TCERG1L: variants seen among roughly 807,000 people sequenced by gnomAD.
TCERG1L encodes transcription elongation regulator 1-like protein.
A neutral mutation model predicts 56.3 loss-of-function variants in TCERG1L; 37 were observed. The ratio of observed to expected loss-of-function variants is 0.66; its 90% CI spans 0.51 to 0.87. The LOEUF (loss-of-function observed/expected upper bound fraction) is 0.87, where lower values mean the gene tolerates loss of function less well. Ranked by LOEUF, TCERG1L falls within the 40% of genes least tolerant of loss-of-function variation. TCERG1L has a pLI of 0.00. For missense variants in TCERG1L, 799 were observed against 774.2 expected, an observed-to-expected ratio of 1.03 and a Z score of -0.38; for synonymous variants, 324 against 326.3, an observed-to-expected ratio of 0.99 and a Z score of 0.08.
chr10:131,302,212 C>A lies in TCERG1L; in HGVS notation c.670+5999G>T, dbSNP rs188686113. 3.8e-3 allele frequency among the ~76,000 whole-genome samples: 582 copies of A among 152,210 alleles called. 12 individuals are homozygous for A. Among genetic ancestry groups the A allele is most frequent in the African/African-American group, 0.013 (556 of 41,454 alleles). On this transcript the variant is annotated intron_variant, in intron 3 of 11. Coordinates refer to ENST00000368642, the MANE Select transcript of TCERG1L (RefSeq NM_174937.4). Reference sequence around the variant, plus strand: ...TCTAGTACTGCAGAATGGCCTGAAGCTGTGTCAACTTCTGTGTTCTTTTAA... The same window carrying A: ...TCTAGTACTGCAGAATGGCCTGAAGATGTGTCAACTTCTGTGTTCTTTTAA...
rs1297318955 is a variant in TCERG1L at position 131,260,205 on chromosome 10, C to T, written c.856+54G>A. On this transcript the variant is annotated intron_variant, in intron 4 of 11. Coordinates refer to ENST00000368642, the MANE Select transcript of TCERG1L (RefSeq NM_174937.4). The surrounding 1 kb of genome is among the most constrained non-coding windows in gnomAD (Gnocchi z 5.8). Reference sequence around the variant, plus strand: ...GGCCAGGGGCATCTAACCAGGAAGCCTCCGCGCGCTCGCTAAGGCAGCACC... The same window carrying T: ...GGCCAGGGGCATCTAACCAGGAAGCTTCCGCGCGCTCGCTAAGGCAGCACC... 2 of 1,299,644 alleles carry T rather than the reference C, an allele frequency of 1.5e-6. No individual in the cohort carries two copies. The highest frequency in any genetic ancestry group is 2.0e-6 in the Non-Finnish European group (2 of 1,021,878). The allele number at this position is 1,299,644 out of a possible 1,614,324, so 80.5% of individuals were successfully genotyped here.
At chr10:131,217,491 G>A (rs139968242) in intron 4 of TCERG1L, among the ~76,000 whole-genome samples, 1 of 152,238 alleles carries the variant, frequency 6.6e-6, no homozygotes, top group African/African-American at 2.4e-5. Context: ...GGGGAAGGCA[G>A]GACTCAGCAG....
chr10:131,254,176 G>T (rs576772816), intron 4 of TCERG1L, among the ~76,000 whole-genome samples: 16 of 152,104 alleles, frequency 1.1e-4, no homozygotes, highest in East Asian at 3.9e-4. Context: ...GCACCATCAG[G>T]CCTGGGGGAC....
intron 8 of TCERG1L, among the ~76,000 whole-genome samples, chr10:131,124,483 T>C (rs977035755): frequency 6.6e-6 from 1 of 152,182 alleles, no homozygotes; most frequent in Non-Finnish European, 1.5e-5. Flanking sequence ...TCTGAATGAG[T>C]GGCCACTGAG....
Position 131,290,258 on chromosome 10 carries a change from A to G in TCERG1L, c.670+17953T>C, listed in dbSNP as rs114000709. 5.4e-3 allele frequency among the ~76,000 whole-genome samples: 817 copies of G among 152,284 alleles called. 11 individuals are homozygous for G. Among genetic ancestry groups the G allele is most frequent in the African/African-American group, 0.019 (773 of 41,540 alleles). Reference sequence around the variant, plus strand: ...GTGTATGTGTGCACTGCTGTGTGCGAGCAGGTGTGTACATGTTCACACGGA... The same window carrying G: ...GTGTATGTGTGCACTGCTGTGTGCGGGCAGGTGTGTACATGTTCACACGGA... On this transcript the variant is annotated intron_variant, in intron 3 of 11. Coordinates refer to ENST00000368642, the MANE Select transcript of TCERG1L (RefSeq NM_174937.4).
intron 9 of TCERG1L, among the ~76,000 whole-genome samples, chr10:131,113,452 G>A (rs1171944866): frequency 7.0e-6 from 1 of 142,246 alleles, no homozygotes; most frequent in Non-Finnish European, 1.6e-5. Context: ...CTCATCCGGG[G>A]AGACGGACAG....
Position 131,309,251 on chromosome 10 carries a change from T to C in TCERG1L, c.391A>G (p.Thr131Ala). The change falls in exon 2 of 12, where the codon ACA (threonine) becomes GCA (alanine). Residue 131 changes from threonine to alanine, a missense_variant. Thr to Ala is a moderately conservative substitution (Grantham distance 58). Coordinates refer to ENST00000368642, the MANE Select transcript of TCERG1L (RefSeq NM_174937.4). ...SPSLGLPPSS[T>A]VELVPVFPHL... ...GGGAAGACGGGCACCAGCTCCACTG[T>C]GGAAGAGGGGGGCAGTCCTAGGGAC... 6.2e-7 allele frequency: 1 copy of C among 1,605,124 alleles called. No homozygotes were observed. The highest frequency in any genetic ancestry group is 1.1e-5 in the South Asian group (1 of 89,468).
intron 3 of TCERG1L, among the ~76,000 whole-genome samples, chr10:131,288,682 G>A (rs187461619): frequency 6.6e-6 from 1 of 152,290 alleles, no homozygotes; most frequent in East Asian, 1.9e-4. Flanking sequence ...TGCTGGATGA[G>A]AGAGGGCCTT....
Position 131,311,498 on chromosome 10 carries a change from C to G in TCERG1L, c.138G>C (p.Ser46=), listed in dbSNP as rs763989385. The G allele has an allele frequency of 8.5e-4, 1,022 of 1,200,708 alleles. No homozygotes were observed. The highest frequency in any genetic ancestry group is 1.1e-3 in the Admixed American group (26 of 24,144). The allele number at this position is 1,200,708 out of a possible 1,614,324, so 74.4% of individuals were successfully genotyped here. ...CCGCGCTGAGCCGGAGCAGCCCGGC[C>G]GAGCCCGGCACCATCCAGACCCAGG... ...PPPWVWMVPG[S]AGLLRLSAGV... is the part of the protein sequence containing the mutation. The change falls in exon 1 of 12, where the codon TCG becomes TCC. Residue 46 remains serine (S), a synonymous_variant. Coordinates refer to ENST00000368642, the MANE Select transcript of TCERG1L (RefSeq NM_174937.4). This position sits in a 1 kb window ranked among gnomAD's most constrained non-coding sequence, Gnocchi z 4.0.
Position 131,146,679 on chromosome 10 carries a change from T to C in TCERG1L, c.1035-19A>G. On this transcript the variant is annotated intron_variant, in intron 6 of 11. Coordinates refer to ENST00000368642, the MANE Select transcript of TCERG1L (RefSeq NM_174937.4). ...CACACACCTGTTTGAGTGGAAAAAC[T>C]CATCTCAGTCGCTCTCGGAGACACT... is the stretch of plus-strand genomic sequence containing the variant. 1 of 1,601,390 alleles carries C rather than the reference T, an allele frequency of 6.2e-7. No homozygotes were observed. Among genetic ancestry groups the C allele is most frequent in the Non-Finnish European group, 8.5e-7 (1 of 1,172,016 alleles).
chr10:131,216,338 CA>C (rs1845668579), intron 4 of TCERG1L, among the ~76,000 whole-genome samples: 1 of 152,124 alleles, frequency 6.6e-6, no homozygotes, highest in African/African-American at 2.4e-5. Context: ...TTGGAAGCAT[CA>C]AGCTGAGAGC....
chr10:131,166,248 G>A (rs1379408857), intron 5 of TCERG1L, among the ~76,000 whole-genome samples: 3 of 152,206 alleles, frequency 2.0e-5, no homozygotes, highest in Non-Finnish European at 4.4e-5. Context: ...TCCCACCAGC[G>A]TCTTCAGTGT....
intron 4 of TCERG1L, among the ~76,000 whole-genome samples, chr10:131,193,343 T>C (rs1034014086): frequency 6.6e-6 from 1 of 152,226 alleles, no homozygotes; most frequent in Non-Finnish European, 1.5e-5. Context: ...TCTTTTGTTA[T>C]GCAGAAGCTT....
intron 3 of TCERG1L, among the ~76,000 whole-genome samples, chr10:131,264,121 C>T (rs541858818): frequency 4.6e-5 from 7 of 151,852 alleles, no homozygotes; most frequent in African/African-American, 1.7e-4. Flanking sequence ...CCCCACACCC[C>T]TTTCCTGTGC....
At chr10:131,200,603 G>A (rs1255716036) in intron 4 of TCERG1L, among the ~76,000 whole-genome samples, 4 of 152,172 alleles carry the variant, frequency 2.6e-5, no homozygotes. Context: ...CTCACAGCTG[G>A]AGGGAAATTT....
intron 4 of TCERG1L, among the ~76,000 whole-genome samples, chr10:131,205,071 C>T (rs1845502705): frequency 6.6e-6 from 1 of 152,262 alleles, no homozygotes; most frequent in South Asian, 2.1e-4. Context: ...GACCAAGCGG[C>T]CCATGGCATC....
chr10:131,156,850 G>T (rs1426658575), intron 6 of TCERG1L, among the ~76,000 whole-genome samples: 1 of 152,034 alleles, frequency 6.6e-6, no homozygotes, highest in African/African-American at 2.4e-5. Context: ...TGCTCACTTG[G>T]GGAGCTCAGC....
At chr10:131,241,086 G>A (rs890618985) in intron 4 of TCERG1L, among the ~76,000 whole-genome samples, 11 of 152,162 alleles carry the variant, frequency 7.2e-5, no homozygotes, top group African/African-American at 7.2e-5. Flanking sequence ...AGCTCACCCC[G>A]GAGATGGAGC....
At chr10:131,156,638 A>G (rs1264918822) in intron 6 of TCERG1L, among the ~76,000 whole-genome samples, 1 of 152,066 alleles carries the variant, frequency 6.6e-6, no homozygotes, top group Non-Finnish European at 1.5e-5. Context: ...TTGAAGATCG[A>G]CCCCTGACCT....
Sources: gnomAD v4.1 joint callset for allele counts (sites outside exome capture counted in the v4.1 genomes callset) on GRCh38, gnomAD v4.1.1 for gene constraint, Gnocchi (gnomAD v3.1) non-coding constraint, MANE v1.5 for transcripts, NCBI Gene and HGNC (gene_info 2026-07-23, HGNC 2026-07-21) for gene names.